Variants in CEP295 observed in about 807,000 individuals in gnomAD.
CEP295 encodes the protein centrosomal protein 295.
A neutral mutation model predicts 291.6 loss-of-function variants in CEP295; 190 were observed. The observed-to-expected ratio is 0.65, with a 90% CI of 0.58 to 0.73. The LOEUF (loss-of-function observed/expected upper bound fraction) is 0.73, where lower values mean the gene tolerates loss of function less well. Ranked by LOEUF, CEP295 falls within the 30% of genes least tolerant of loss-of-function variation. The pLI is 0.00. For missense variants in CEP295, 2,863 were observed against 2,949.4 expected, an observed-to-expected ratio of 0.97 and a Z score of 0.68; for synonymous variants, 993 against 1,038.8, an observed-to-expected ratio of 0.96 and a Z score of 0.85.
chr11:93,700,982 A>G (rs1174432673), intron 15 of CEP295, among the ~76,000 whole-genome samples: 1 of 151,998 alleles, frequency 6.6e-6, no homozygotes, highest in Non-Finnish European at 1.5e-5. Context: ...TGAATTGTTC[A>G]TAAGACTCGG....
In CEP295 at chr11:93,663,555, A is replaced by G. The variant is rs140818823; in HGVS notation, c.-27+1781A>G. ...ATTGAATACTGCCTGTAGATTAGTA[A>G]AAAATATTGTGTCAGTGTTAATATT... On this transcript the variant is annotated intron_variant, in intron 1 of 29. Transcript: ENST00000325212. Among the ~76,000 whole-genome samples, 355 of 152,314 alleles carry G rather than the reference A, an allele frequency of 2.3e-3. 2 individuals carry two copies. The highest frequency in any genetic ancestry group is 1.7e-3 in the Non-Finnish European group (119 of 68,028).
intron 7 of CEP295, among the ~76,000 whole-genome samples, chr11:93,682,607 A>C (rs1951029861): frequency 6.7e-6 from 1 of 149,336 alleles, no homozygotes; most frequent in African/African-American, 2.4e-5. Context: ...AAAAAAAAAA[A>C]CCGTGCAATC....
intron 5 of CEP295, among the ~76,000 whole-genome samples, chr11:93,670,112 C>A (rs1017367511): frequency 6.6e-6 from 1 of 151,952 alleles, no homozygotes; most frequent in Non-Finnish European, 1.5e-5. Context: ...TTTGAAAAAT[C>A]TTTTAATAAT....
intron 9 of CEP295, 64 bp downstream of exon 9, chr11:93,684,192 C>T: frequency 7.0e-7 from 1 of 1,434,608 alleles, no homozygotes; most frequent in South Asian, 1.3e-5. Context: ...TAACCATTAG[C>T]CAGCAGTTAG....
chr11:93,717,366 A>G (rs1953344188), intron 18 of CEP295, among the ~76,000 whole-genome samples: 1 of 152,188 alleles, frequency 6.6e-6, no homozygotes, highest in Non-Finnish European at 1.5e-5. Context: ...AACAAAGCTG[A>G]GCGTCTGACC....
Position 93,675,613 on chromosome 11 carries a change from TC to T in CEP295, c.572del (p.Ser191LeufsTer10). 6.6e-7 allele frequency: 1 copy of T among 1,513,524 alleles called. No individual in the cohort carries two copies. The highest frequency in any genetic ancestry group is 2.5e-5 in the Admixed American group (1 of 40,592). 93.8% of individuals were successfully genotyped at this position (1,513,524 alleles called of 1,614,324 possible). The stretch of plus-strand genomic sequence containing the variant: ...AATTTCTGCAGTCAAAACCAATAGT[TC>T]TACCTACCATCATCTTCACACTTTT... ...KRISAVKTNS[S>X]TYHHLHTFVN... is the part of the protein sequence containing the mutation. On this transcript the variant is annotated frameshift_variant, in exon 6 of 30. Transcript: ENST00000325212. LOFTEE classifies it high-confidence loss of function.
chr11:93,681,475 G>A lies in CEP295; in HGVS notation c.765+1923G>A, dbSNP rs1399764226. On this transcript the variant is annotated intron_variant, in intron 7 of 29. Transcript: ENST00000325212. Reference sequence around the variant, plus strand: ...CTATCACTCAGGCGGGAGTGCAATGGCGTGATCTTGGCTCACTGCAACCTC... The same window carrying A: ...CTATCACTCAGGCGGGAGTGCAATGACGTGATCTTGGCTCACTGCAACCTC... Among the ~76,000 whole-genome samples the A allele has an allele frequency of 1.9e-4, 24 of 124,490 alleles. 1 individual carries two copies. The highest frequency in any genetic ancestry group is 3.8e-4 in the Non-Finnish European group (24 of 62,560). 81.7% of individuals were successfully genotyped at this position (124,490 alleles called of 152,430 possible).
intron 5 of CEP295, among the ~76,000 whole-genome samples, chr11:93,671,650 G>A (rs1259130661): frequency 6.6e-6 from 1 of 152,130 alleles, no homozygotes; most frequent in Non-Finnish European, 1.5e-5. Flanking sequence ...CAATAAAGGT[G>A]TTTGGGATAA....
Position 93,730,073 on chromosome 11 carries a change from G to GAAAC in CEP295, c.7695_7698dup (p.Gln2567ThrfsTer24), listed in dbSNP as rs1938232248. ...GGTTATACAATCAACTAGCTGAAGT[G>GAAAC]AAACAACAAAAGGAAGAAAAAACAA... On this transcript the variant is annotated frameshift_variant, in exon 29 of 30. Coordinates refer to ENST00000325212, the MANE Select transcript of CEP295 (RefSeq NM_033395.2). LOFTEE classifies it high-confidence loss of function. 1 of 1,549,842 alleles carries GAAAC rather than the reference G, an allele frequency of 6.5e-7. No individual in the cohort carries two copies. The highest frequency in any genetic ancestry group is 1.4e-5 in the African/African-American group (1 of 72,616).
intron 18 of CEP295, among the ~76,000 whole-genome samples, chr11:93,712,694 C>T (rs1252420788): frequency 6.6e-6 from 1 of 152,012 alleles, no homozygotes; most frequent in African/African-American, 2.4e-5. Context: ...ATCATTGGAT[C>T]TTGTTTTTTT....
At position 93,666,801 on chromosome 11, in the gene CEP295, C is replaced by T. The variant is rs1301826177; in HGVS notation, c.94C>T (p.Leu32=). The change falls in exon 2 of 30, where the codon CTA becomes TTA. Residue 32 remains leucine (L), a synonymous_variant. Transcript: ENST00000325212. ...LKEDYERRRK[L]RLLQVREQER... is the part of the protein sequence containing the mutation. ...GGAAGATTATGAAAGAAGGCGAAAA[C>T]TAAGATTGCTACAGGTATGACTTAT... 2.3e-5 allele frequency: 35 copies of T among 1,526,372 alleles called. No homozygotes were observed. The highest frequency in any genetic ancestry group is 3.0e-5 in the Non-Finnish European group (34 of 1,124,888). The allele number at this position is 1,526,372 out of a possible 1,614,324, so 94.6% of individuals were successfully genotyped here.
At chr11:93,719,248 T>G (rs1254442887) in intron 18 of CEP295, among the ~76,000 whole-genome samples, 2 of 65,400 alleles carry the variant, frequency 3.1e-5, no homozygotes, top group East Asian at 5.6e-4. Context: ...TTTTCCGGGT[T>G]TTTTTTTTTT....
At position 93,693,063 on chromosome 11, in the gene CEP295, G is replaced by A. The variant is rs1951664832; in HGVS notation, c.1533+1033G>A. 2.0e-5 allele frequency among the ~76,000 whole-genome samples: 3 copies of A among 151,398 alleles called. No individual in the cohort carries two copies. In the South Asian group the frequency reaches 6.3e-4, roughly 32 times the overall value. ...GAGGCTGAGGCGGGTGGATCACGAG[G>A]TCAGGAGATAGAGACCATCCTGGCT... On this transcript the variant is annotated intron_variant, in intron 12 of 29. Coordinates refer to ENST00000325212, the MANE Select transcript of CEP295 (RefSeq NM_033395.2).
chr11:93,723,453 G>A (rs1441003026), intron 21 of CEP295, 164 bp downstream of exon 21: 3 of 565,078 alleles, frequency 5.3e-6, no homozygotes, highest in Admixed American at 3.3e-5. Flanking sequence ...TGAGAAAGGG[G>A]ATCTGGAACC....
At chr11:93,718,430 T>C (rs1367281983) in intron 18 of CEP295, among the ~76,000 whole-genome samples, 2 of 152,218 alleles carry the variant, frequency 1.3e-5, no homozygotes, top group East Asian at 1.9e-4. Context: ...TTAGGAACTG[T>C]TATCAGTGAA....
intron 12 of CEP295, among the ~76,000 whole-genome samples, chr11:93,693,864 T>C (rs1951720205): frequency 6.6e-6 from 1 of 152,284 alleles, no homozygotes; most frequent in Non-Finnish European, 1.5e-5. Context: ...ATGTACAGTA[T>C]GTACCTGTTA....
At chr11:93,670,283 G>C (rs1408344137) in intron 5 of CEP295, among the ~76,000 whole-genome samples, 1 of 151,744 alleles carries the variant, frequency 6.6e-6, no homozygotes, top group Non-Finnish European at 1.5e-5. Flanking sequence ...AGATTATAAA[G>C]TATCCAGGTG....
intron 10 of CEP295, among the ~76,000 whole-genome samples, chr11:93,690,264 A>G (rs1951455754): frequency 6.6e-6 from 1 of 152,116 alleles, no homozygotes. Context: ...ACAAAAGATT[A>G]GCCGTGCATG....
In CEP295 at chr11:93,697,695, T is replaced by TGATC. The variant is rs963201072; in HGVS notation, c.2784_2787dup (p.Ser930AspfsTer7). 3.9e-6 allele frequency: 6 copies of TGATC among 1,551,656 alleles called. No individual in the cohort carries two copies. In the African/African-American group the frequency reaches 8.2e-5, roughly 21 times the overall value. On this transcript the variant is annotated frameshift_variant, in exon 15 of 30. Transcript: ENST00000325212. LOFTEE classifies it high-confidence loss of function. ...ATTGCAGTTTCCTCAGACCATCATG[T>TGATC]GATCTCACAACTTCAGGATAAGCGT...
Sources: gnomAD v4.1 joint callset for allele counts (sites outside exome capture counted in the v4.1 genomes callset) on GRCh38, gnomAD v4.1.1 for gene constraint, MANE v1.5 for transcripts, NCBI Gene and HGNC (gene_info 2026-07-23, HGNC 2026-07-21) for gene names.